CHI3L2: variants seen among roughly 807,000 people sequenced by gnomAD.
CHI3L2 encodes the protein chitinase 3 like 2.
Under a neutral mutation model 47.3 loss-of-function variants are expected in CHI3L2, and 47 were observed. That is an observed-to-expected ratio of 0.99 (90% CI 0.79 to 1.27). CHI3L2 has a LOEUF of 1.27. CHI3L2 is among the 50% of genes most tolerant of loss of function. The pLI, the probability that CHI3L2 is intolerant of heterozygous loss-of-function variation, is 0.00. For synonymous variants in CHI3L2, 198 were observed against 169.9 expected (o/e 1.17, Z -1.28); for missense variants, 497 against 462.1 (o/e 1.08, Z -0.69).
At chr1:111,234,201 A>AAG (rs1188083853) in intron 4 of CHI3L2, among the ~76,000 whole-genome samples, 12 of 152,006 alleles carry the variant, frequency 7.9e-5, no homozygotes, top group East Asian at 5.8e-4. Flanking sequence ...AAAAAAAAAA[A>AAG]AAAGAAAGAA....
At chr1:111,229,306 A>G (rs565587092) in intron 1 of CHI3L2, among the ~76,000 whole-genome samples, 11 of 152,328 alleles carry the variant, frequency 7.2e-5, no homozygotes, top group African/African-American at 2.6e-4. Flanking sequence ...GAATGAAAAA[A>G]TAAATTCCCA....
chr1:111,240,302 G>A (rs1660009706), intron 8 of CHI3L2, among the ~76,000 whole-genome samples: 2 of 152,152 alleles, frequency 1.3e-5, no homozygotes, highest in South Asian at 4.1e-4. Flanking sequence ...GGAATGATTG[G>A]CACATCATCA....
intron 2 of CHI3L2, among the ~76,000 whole-genome samples, 171 bp from the exon 3 acceptor site, chr1:111,230,571 T>A (rs1272545226): frequency 6.6e-6 from 1 of 152,078 alleles, no homozygotes; most frequent in Non-Finnish European, 1.5e-5. Context: ...ATTTCTTAAC[T>A]GGGGTCTGGG....
chr1:111,231,983 T>C (rs1659736095), intron 4 of CHI3L2, among the ~76,000 whole-genome samples: 1 of 152,278 alleles, frequency 6.6e-6, no homozygotes, highest in African/African-American at 2.4e-5. Flanking sequence ...TCTTCTGCTT[T>C]ATTATTTAAA....
chr1:111,229,681 CAA>C (rs997929124), intron 1 of CHI3L2, 169 bp from the exon 2 acceptor site: 14,097 of 384,464 alleles, frequency 0.037, 6 homozygotes, highest in Middle Eastern at 0.051. Flanking sequence ...GACTCCGTCT[CAA>C]AAAAAAAAAA....
intron 4 of CHI3L2, 40 bp downstream of exon 4, chr1:111,231,334 A>G (rs780944770): frequency 7.0e-7 from 1 of 1,434,012 alleles, no homozygotes; most frequent in East Asian, 2.3e-5. Flanking sequence ...TTCCCCATGT[A>G]ATTTTTGATC....
chr1:111,232,219 C>T (rs543776845), intron 4 of CHI3L2, among the ~76,000 whole-genome samples: 4 of 152,298 alleles, frequency 2.6e-5, no homozygotes, highest in South Asian at 2.1e-4. Context: ...TTAACTCCTC[C>T]GTGAACACCC....
At chr1:111,240,082 A>G (rs934355273) in intron 8 of CHI3L2, among the ~76,000 whole-genome samples, 3 of 152,182 alleles carry the variant, frequency 2.0e-5, no homozygotes, top group Non-Finnish European at 2.9e-5. Flanking sequence ...ATGGAAGAGG[A>G]GAAGTTTATG....
intron 7 of CHI3L2, among the ~76,000 whole-genome samples, chr1:111,237,599 A>C (rs945574631): frequency 1.3e-5 from 2 of 152,032 alleles, no homozygotes; most frequent in Non-Finnish European, 2.9e-5. Context: ...CTTCCTCTCT[A>C]TCAGTTATCT....
At chr1:111,237,973 G>A (rs1325052037) in intron 7 of CHI3L2, among the ~76,000 whole-genome samples, 2 of 152,104 alleles carry the variant, frequency 1.3e-5, no homozygotes, top group Non-Finnish European at 2.9e-5. Context: ...ATAAAACCTT[G>A]GTCTCTACAC....
rs778423954 is a variant in CHI3L2 at position 111,242,336 on chromosome 1, C to T, written c.1145C>T (p.Ala382Val). The change falls in exon 10 of 11, where the codon GCA (alanine) becomes GTA (valine). Residue 382 changes from alanine (A) to valine (V), a missense_variant. Ala to Val is a moderately conservative substitution (Grantham distance 64, BLOSUM62 0). Coordinates refer to ENST00000369748, the MANE Select transcript of CHI3L2 (RefSeq NM_004000.3). ...CAGGGCCCTTACCCTCTTGTCCAAG[C>T]AGTCAAGAGAAGCCTTGGCTCCCTG... ...CNQGPYPLVQ[A>V]VKRSLGSL 2 of 1,612,292 alleles carry T rather than the reference C, an allele frequency of 1.2e-6. No individual in the cohort carries two copies. Among genetic ancestry groups the T allele is most frequent in the South Asian group, 2.2e-5 (2 of 90,788 alleles).
Position 111,230,892 on chromosome 1 carries a change from AG to A in CHI3L2, c.223del (p.Asp75ThrfsTer5). Reference protein sequence around the residue: ...ASIENNKVIIKDKSEVMLYQT... With the variant: ...ASIENNKVIIXDKSEVMLYQT... ...ATCGAAAACAACAAGGTTATCATCA[AG>A]GACAAGAGTGAAGTGATGCTCTACC... On this transcript the variant is annotated frameshift_variant, in exon 3 of 11. Coordinates refer to ENST00000369748, the MANE Select transcript of CHI3L2 (RefSeq NM_004000.3). LOFTEE classifies it high-confidence loss of function. 6.2e-7 allele frequency: 1 copy of A among 1,614,202 alleles called. No individual in the cohort carries two copies. The highest frequency in any genetic ancestry group is 8.5e-7 in the Non-Finnish European group (1 of 1,180,036).
chr1:111,240,281 T>C (rs2101556789), intron 8 of CHI3L2, among the ~76,000 whole-genome samples: 1 of 152,348 alleles, frequency 6.6e-6, no homozygotes, highest in East Asian at 1.9e-4. Context: ...TTTCCCTTCA[T>C]CTTACACATA....
At chr1:111,228,216 TC>T (rs1659584224) in intron 1 of CHI3L2, among the ~76,000 whole-genome samples, 2 of 152,186 alleles carry the variant, frequency 1.3e-5, no homozygotes, top group Non-Finnish European at 2.9e-5. Flanking sequence ...CCCTTTCAAC[TC>T]TAAAGTTCTG....
intron 9 of CHI3L2, 68 bp downstream of exon 9, chr1:111,241,511 C>T (rs2101558400): frequency 1.2e-6 from 1 of 828,128 alleles, no homozygotes; most frequent in Non-Finnish European, 2.0e-6. Context: ...TGCCTGAATA[C>T]TCTATGTTCA....
At chr1:111,231,647 G>C (rs1189453436) in intron 4 of CHI3L2, among the ~76,000 whole-genome samples, 1 of 152,170 alleles carries the variant, frequency 6.6e-6, no homozygotes, top group Non-Finnish European at 1.5e-5. Flanking sequence ...ATCACTTGAG[G>C]GTTTGACTTT....
intron 8 of CHI3L2, chr1:111,239,446 T>C (rs1465862707): frequency 1.3e-5 from 2 of 152,414 alleles, no homozygotes; most frequent in African/African-American, 2.4e-5. Flanking sequence ...AGCATAAAGC[T>C]GGTACCTGAA....
intron 8 of CHI3L2, chr1:111,239,235 A>G (rs1276107063): frequency 3.6e-6 from 1 of 275,246 alleles, no homozygotes; most frequent in Non-Finnish European, 6.7e-6. Flanking sequence ...TGAGCAGCTA[A>G]GTGGATGGCA....
intron 1 of CHI3L2, among the ~76,000 whole-genome samples, chr1:111,228,980 C>T (rs1294209796): frequency 6.6e-6 from 1 of 152,030 alleles, no homozygotes; most frequent in Non-Finnish European, 1.5e-5. Context: ...GTTTAAAGCA[C>T]TACCAGGGCC....
Sources: gnomAD v4.1 joint callset for allele counts (sites outside exome capture counted in the v4.1 genomes callset) on GRCh38, gnomAD v4.1.1 for gene constraint, MANE v1.5 for transcripts, NCBI Gene and HGNC (gene_info 2026-07-23, HGNC 2026-07-21) for gene names.